FRAS1: variants seen among roughly 807,000 people sequenced by gnomAD.
The protein encoded by FRAS1 is Fraser extracellular matrix complex subunit 1.
In FRAS1, 290 loss-of-function variants were observed where a neutral mutation model predicts 435.2. That is an observed-to-expected ratio of 0.67 (90% confidence interval 0.61 to 0.73). The LOEUF is 0.73. Ranked by LOEUF, FRAS1 falls within the 30% of genes least tolerant of loss-of-function variation. FRAS1 has a pLI of 0.00. For synonymous variants in FRAS1, 1,800 were observed against 1,851.0 expected, an observed-to-expected ratio of 0.97 and a Z score of 0.71; for missense variants, 4,860 against 5,001.5, an observed-to-expected ratio of 0.97 and a Z score of 0.85.
intron 2 of FRAS1, among the ~76,000 whole-genome samples, chr4:78,067,729 C>T (rs918207167): frequency 4.6e-4 from 58 of 126,324 alleles, no homozygotes; most frequent in Middle Eastern, 4.2e-3. Flanking sequence ...GATAGGGTCT[C>T]GCTCTGTCAC....
At chr4:78,235,708 G>C (rs1193394250) in intron 2 of FRAS1, among the ~76,000 whole-genome samples, 1 of 152,252 alleles carries the variant, frequency 6.6e-6, no homozygotes, top group African/African-American at 2.4e-5. Flanking sequence ...CAGCACTTTG[G>C]AAAGCTAAGG....
At position 78,307,436 on chromosome 4, in the gene FRAS1, G is replaced by T. The variant is rs570672414; in HGVS notation, c.1535-630G>T. Among the ~76,000 whole-genome samples the T allele has an allele frequency of 4.6e-5, 7 of 152,326 alleles. No homozygotes were observed. In the South Asian group the frequency reaches 1.4e-3, roughly 32 times the overall value. ...TGCTTTGTTTACCTAAGCAAGCCTG[G>T]GCAATGGCGGGCGCCCCTCCCCCAG... On this transcript the variant is annotated intron_variant, in intron 14 of 73. Coordinates refer to ENST00000512123, the MANE Select transcript of FRAS1 (RefSeq NM_025074.7).
chr4:78,449,511 G>T (rs1403171682), intron 44 of FRAS1, among the ~76,000 whole-genome samples: 1 of 152,084 alleles, frequency 6.6e-6, no homozygotes, highest in African/African-American at 2.4e-5. Context: ...ACTTTACCGG[G>T]ATTTACTATT....
chr4:78,266,755 G>A, intron 7 of FRAS1, 79 bp from the exon 8 acceptor site: 1 of 998,944 alleles, frequency 1.0e-6, no homozygotes. Context: ...ATGAAAATTG[G>A]GTGTCTTATG....
chr4:78,497,366 C>T (rs879468319), intron 60 of FRAS1, among the ~76,000 whole-genome samples: 8 of 151,426 alleles, frequency 5.3e-5, no homozygotes, highest in African/African-American at 1.9e-4. Context: ...GTTTTCTTCT[C>T]TCTAATTGAT....
At chr4:78,087,830 T>C (rs896839695) in intron 2 of FRAS1, among the ~76,000 whole-genome samples, 3 of 152,088 alleles carry the variant, frequency 2.0e-5, no homozygotes, top group Non-Finnish European at 2.9e-5. Context: ...GAATCAATAT[T>C]GTGAAAATGG....
chr4:78,175,179 G>A (rs1324407936), intron 2 of FRAS1, among the ~76,000 whole-genome samples: 1 of 152,178 alleles, frequency 6.6e-6, no homozygotes. Flanking sequence ...CTTTTTGTTG[G>A]GGCGGGGAGC....
rs1578332149 is a variant in FRAS1 at position 78,450,296 on chromosome 4, T to C, written c.6420T>C (p.Ile2140=). The change falls in exon 45 of 74, where the codon ATT becomes ATC. Residue 2140 remains isoleucine (I), a synonymous_variant. Transcript: ENST00000512123. ...ATGGCAACCTGGAGCAAATTTCTAT[T>C]AAAGGCCCCATCCGAAGTTTCACCC... is the stretch of plus-strand genomic sequence containing the variant. ...MKHGNLEQIS[I]KGPIRSFTQA... is the part of the protein sequence containing the mutation. The C allele has an allele frequency of 6.2e-7, 1 of 1,613,854 alleles. No individual in the cohort carries two copies. The highest frequency in any genetic ancestry group is 8.5e-7 in the Non-Finnish European group (1 of 1,179,792).
chr4:78,132,435 T>C (rs557734444), intron 2 of FRAS1, among the ~76,000 whole-genome samples: 1 of 152,216 alleles, frequency 6.6e-6, no homozygotes, highest in Non-Finnish European at 1.5e-5. Flanking sequence ...AGTCCAGCAA[T>C]GCAGTGCTCA....
At chr4:78,410,293 AAAT>A (rs1733281205) in intron 31 of FRAS1, among the ~76,000 whole-genome samples, 1 of 152,112 alleles carries the variant, frequency 6.6e-6, no homozygotes, top group Non-Finnish European at 1.5e-5. Flanking sequence ...AAAGATTTAA[AAAT>A]AATAAAAAAT....
chr4:78,516,005 G>A lies in FRAS1; in HGVS notation c.10381G>A (p.Asp3461Asn). ...IDVCGGSVTA[D>N]FQVRDSAQSF... ...CGTCTGTGGGGGCTCTGTAACCGCT[G>A]ACTTCCAGGTAGGTGCCCCGGGGCT... The change falls in exon 66 of 74, where the codon GAC (aspartate) becomes AAC (asparagine). Residue 3461 changes from aspartate (D) to asparagine (N), a missense_variant. Transcript: ENST00000512123. 1 of 1,612,790 alleles carries A rather than the reference G, an allele frequency of 6.2e-7. No individual in the cohort carries two copies. Among genetic ancestry groups the A allele is most frequent in the Non-Finnish European group, 8.5e-7 (1 of 1,179,226 alleles).
At chr4:78,155,598 G>T (rs541223010) in intron 2 of FRAS1, among the ~76,000 whole-genome samples, 2 of 152,278 alleles carry the variant, frequency 1.3e-5, no homozygotes, top group South Asian at 4.2e-4. Context: ...GAAACCCGTG[G>T]CATTCTAGGA....
chr4:78,445,464 G>T, intron 41 of FRAS1, 58 bp from the exon 42 acceptor site: 3 of 1,457,710 alleles, frequency 2.1e-6, no homozygotes, highest in South Asian at 1.7e-5. Flanking sequence ...TTCTAGTTCA[G>T]CCTAGTAAGC....
At chr4:78,117,486 G>T (rs993278376) in intron 2 of FRAS1, among the ~76,000 whole-genome samples, 1 of 152,054 alleles carries the variant, frequency 6.6e-6, no homozygotes, top group East Asian at 1.9e-4. Flanking sequence ...ACGTAGATTT[G>T]GTTTTTTCAC....
Position 78,057,905 on chromosome 4 carries a change from C to A in FRAS1, c.-105C>A. On this transcript the variant is annotated 5_prime_UTR_variant, in exon 1 of 74. Coordinates refer to ENST00000512123, the MANE Select transcript of FRAS1 (RefSeq NM_025074.7). The surrounding 1 kb of genome is among the most constrained non-coding windows in gnomAD (Gnocchi z 4.2). ...CCGGAGGTAAAGGCCCGCGGTCCCCCACCTTCAGTGCGCCCGGGTTCCAAG... is the reference window on the plus strand; with the variant it reads ...CCGGAGGTAAAGGCCCGCGGTCCCCAACCTTCAGTGCGCCCGGGTTCCAAG... 9.7e-7 allele frequency: 1 copy of A among 1,029,722 alleles called. No individual in the cohort carries two copies. The highest frequency in any genetic ancestry group is 1.5e-6 in the Non-Finnish European group (1 of 669,578). 63.8% of individuals were successfully genotyped at this position (1,029,722 alleles called of 1,614,324 possible).
chr4:78,302,520 G>C (rs894490269), intron 14 of FRAS1, among the ~76,000 whole-genome samples: 2 of 152,246 alleles, frequency 1.3e-5, no homozygotes, highest in Non-Finnish European at 1.5e-5. Context: ...AGCACCTGTT[G>C]TTTCCTGACT....
Position 78,308,061 on chromosome 4 carries a change from T to C in FRAS1, c.1535-5T>C. On this transcript the variant is annotated splice_polypyrimidine_tract_variant and splice_region_variant and intron_variant, in intron 14 of 73. Coordinates refer to ENST00000512123, the MANE Select transcript of FRAS1 (RefSeq NM_025074.7). ...TTACTCACTGATTTTGCTATTCGTC[T>C]GCAGTCTGCCATGAGTCCTGTGCAG... 1 of 1,591,222 alleles carries C rather than the reference T, an allele frequency of 6.3e-7. No individual in the cohort carries two copies. Among genetic ancestry groups the C allele is most frequent in the Non-Finnish European group, 8.6e-7 (1 of 1,166,462 alleles).
chr4:78,247,638 C>T (rs1725306051), intron 4 of FRAS1, among the ~76,000 whole-genome samples: 1 of 152,150 alleles, frequency 6.6e-6, no homozygotes, highest in Non-Finnish European at 1.5e-5. Context: ...CACCTCATCA[C>T]TTGCATCACT....
Position 78,511,278 on chromosome 4 carries a change from T to C in FRAS1, c.9785T>C (p.Leu3262Pro). Residue 3262 changes from leucine (L) to proline (P), a missense_variant, in exon 64 of 74, where the codon CTG (leucine) becomes CCG (proline). Physicochemically the swap from Leu to Pro is moderately conservative, Grantham distance 98. Coordinates refer to ENST00000512123, the MANE Select transcript of FRAS1 (RefSeq NM_025074.7). ...TPFTSVNHMV[L>P]DSIYFSRRFH... ...GTGATTTTTTCTTCCTGTTAGGTCCTGGACAGCATTTACTTCAGCCGGAGG... is the reference window on the plus strand; with the variant it reads ...GTGATTTTTTCTTCCTGTTAGGTCCCGGACAGCATTTACTTCAGCCGGAGG... The C allele has an allele frequency of 6.3e-7, 1 of 1,595,814 alleles. No individual in the cohort carries two copies. The highest frequency in any genetic ancestry group is 8.6e-7 in the Non-Finnish European group (1 of 1,167,732).
Sources: allele counts gnomAD v4.1 joint callset (sites outside exome capture counted in the v4.1 genomes callset), GRCh38; gene constraint gnomAD v4.1.1; non-coding constraint Gnocchi (gnomAD v3.1); transcripts MANE v1.5; gene names NCBI Gene and HGNC (gene_info 2026-07-23, HGNC 2026-07-21).